The following CREB3L1 variants were observed in gnomAD, a reference collection of about 807,000 sequenced individuals.
The protein encoded by CREB3L1 is cAMP responsive element binding protein 3 like 1, also known as cyclic AMP-responsive element-binding protein 3-like protein 1.
Under a neutral mutation model 54.5 loss-of-function variants are expected in CREB3L1, and 33 were observed. That is an observed-to-expected ratio of 0.61 (90% CI 0.46 to 0.81). The LOEUF is 0.81. Ranked by LOEUF, CREB3L1 falls within the 30% of genes least tolerant of loss-of-function variation. The probability of loss-of-function intolerance (pLI) is 0.00; values close to 1 mark genes in which losing one functional copy is unlikely to be tolerated. For missense variants in CREB3L1, 656 were observed against 673.3 expected (o/e 0.97, Z 0.29); for synonymous variants, 284 against 286.4 (o/e 0.99, Z 0.08).
intron 2 of CREB3L1, among the ~76,000 whole-genome samples, chr11:46,300,429 A>C (rs556264334): frequency 6.6e-6 from 1 of 152,366 alleles, no homozygotes; most frequent in Non-Finnish European, 1.5e-5. Flanking sequence ...ATCACCTGGG[A>C]ATCTGTTAGA....
chr11:46,297,235 G>C (rs926484342), intron 1 of CREB3L1, among the ~76,000 whole-genome samples: 8 of 152,238 alleles, frequency 5.3e-5, no homozygotes, highest in African/African-American at 1.4e-4. Context: ...TGGGTGGTTG[G>C]GGGGTGGTTA....
intron 9 of CREB3L1, among the ~76,000 whole-genome samples, chr11:46,317,044 C>T (rs1939576870): frequency 6.6e-6 from 1 of 152,198 alleles, no homozygotes; most frequent in East Asian, 1.9e-4. Context: ...AGCCCCAAGC[C>T]CCACCTGCAC....
rs755855486 is a variant in CREB3L1 at position 46,320,940 on chromosome 11, T to A, written c.*194T>A. On this transcript the variant is annotated 3_prime_UTR_variant, in exon 12 of 12. Coordinates refer to ENST00000621158, the MANE Select transcript of CREB3L1 (RefSeq NM_052854.4). ...TGGGCCGACCACTCTGTTCTCATTC[T>A]CCTTCCCACCAACATCCATCCGTCC... 13 of 708,114 alleles carry A rather than the reference T, an allele frequency of 1.8e-5. No homozygotes were observed. Among genetic ancestry groups the A allele is most frequent in the Non-Finnish European group, 2.8e-5 (11 of 390,434 alleles). The allele number at this position is 708,114 out of a possible 1,614,324, so 43.9% of individuals were successfully genotyped here.
At chr11:46,289,743 G>C (rs888001294) in intron 1 of CREB3L1, among the ~76,000 whole-genome samples, 2 of 152,212 alleles carry the variant, frequency 1.3e-5, no homozygotes, top group Non-Finnish European at 2.9e-5. Flanking sequence ...GCCTGGAGAG[G>C]AGAGAAAATG....
chr11:46,302,350 C>G (rs897960142), intron 2 of CREB3L1, among the ~76,000 whole-genome samples: 15 of 152,058 alleles, frequency 9.9e-5, no homozygotes, highest in African/African-American at 3.6e-4. Flanking sequence ...TCCTCTCCCC[C>G]TAACTCCATC....
chr11:46,312,896 G>A lies in CREB3L1; in HGVS notation c.1008G>A (p.Val336=). 6.3e-7 allele frequency: 1 copy of A among 1,588,602 alleles called. No individual in the cohort carries two copies. The highest frequency in any genetic ancestry group is 8.6e-7 in the Non-Finnish European group (1 of 1,167,778). Residue 336 remains valine, a synonymous_variant, in exon 8 of 12, where the codon GTG becomes GTA. Coordinates refer to ENST00000621158, the MANE Select transcript of CREB3L1 (RefSeq NM_052854.4). ...AGAACAATGAACTGTGGAAGAAGGTGGAGACCCTGGAGAATGCCAACAGGT... is the reference window on the plus strand; with the variant it reads ...AGAACAATGAACTGTGGAAGAAGGTAGAGACCCTGGAGAATGCCAACAGGT... ...TSENNELWKK[V]ETLENANRTL...
rs1330047284 is a variant in CREB3L1, at chr11:46,300,060, C to A, written c.228C>A (p.Asp76Glu). 5 of 1,613,844 alleles carry A rather than the reference C, an allele frequency of 3.1e-6. No individual in the cohort carries two copies. In the Admixed American group the frequency reaches 5.0e-5, roughly 16 times the overall value. Reference protein sequence around the residue: ...EKSPLLDMELDSPTPGIQAEH... With the variant: ...EKSPLLDMELESPTPGIQAEH... ...GCCCTCTATTGGACATGGAACTGGA[C>A]TCCCCTACGCCAGGCATCCAGGCGG... Residue 76 changes from aspartate (D) to glutamate (E), a missense_variant, in exon 2 of 12, where the codon GAC becomes GAA. Physicochemically the swap from Asp to Glu is conservative, Grantham distance 45. Coordinates refer to ENST00000621158, the MANE Select transcript of CREB3L1 (RefSeq NM_052854.4).
chr11:46,296,605 C>G (rs1232940227), intron 1 of CREB3L1, among the ~76,000 whole-genome samples: 1 of 152,186 alleles, frequency 6.6e-6, no homozygotes, highest in Non-Finnish European at 1.5e-5. Context: ...GGCCGCAGAG[C>G]GCTCTAGGGG....
intron 2 of CREB3L1, among the ~76,000 whole-genome samples, chr11:46,306,503 CA>C (rs1174361696): frequency 7.3e-6 from 1 of 136,434 alleles, no homozygotes; most frequent in East Asian, 2.0e-4. Context: ...GATCCTGTCT[CA>C]ATAAAAAAAA....
Position 46,312,922 on chromosome 11 carries a change from G to A in CREB3L1, c.1031+3G>A, listed in dbSNP as rs753479233. On this transcript the variant is annotated splice_donor_region_variant and intron_variant, in intron 8 of 11. Transcript: ENST00000621158. ...GAGACCCTGGAGAATGCCAACAGGT[G>A]GGTAGTGCCTCCTGCATCCAACCTG... 6.3e-7 allele frequency: 1 copy of A among 1,578,126 alleles called. No individual in the cohort carries two copies. The highest frequency in any genetic ancestry group is 2.3e-5 in the East Asian group (1 of 42,886).
intron 1 of CREB3L1, among the ~76,000 whole-genome samples, chr11:46,286,805 AAAAGAAAAAAGAAAAAGAAAG>A (rs1057119588): frequency 6.6e-6 from 1 of 152,174 alleles, no homozygotes; most frequent in Non-Finnish European, 1.5e-5. Context: ...CAGACAAACA[AAAAGAAAAAAGAAAAAGAAAG>A]AAAGAAGAAA....
chr11:46,309,173 A>G (rs1051636241), intron 3 of CREB3L1, among the ~76,000 whole-genome samples: 4 of 152,126 alleles, frequency 2.6e-5, no homozygotes, highest in African/African-American at 9.7e-5. Context: ...AGACCAAGGA[A>G]TCTCCAAGGT....
At chr11:46,284,728 T>C (rs956785012) in intron 1 of CREB3L1, among the ~76,000 whole-genome samples, 1 of 151,834 alleles carries the variant, frequency 6.6e-6, no homozygotes, top group Non-Finnish European at 1.5e-5. Flanking sequence ...TAGGCATTAT[T>C]ATCCATTGTG....
At position 46,278,632 on chromosome 11, in the gene CREB3L1, G is replaced by A. The variant is rs1020813338; in HGVS notation, c.102+419G>A. The stretch of plus-strand genomic sequence containing the variant: ...GGATCTCCGCTGGGGGGCGCACCGG[G>A]GAACGTTCAGAGGGCCTGAGACCCG... On this transcript the variant is annotated intron_variant, in intron 1 of 11. Transcript: ENST00000621158. The surrounding 1 kb of genome is among the most constrained non-coding windows in gnomAD (Gnocchi z 4.2). Among the ~76,000 whole-genome samples, 10 of 152,206 alleles carry A rather than the reference G, an allele frequency of 6.6e-5. No individual in the cohort carries two copies. The highest frequency in any genetic ancestry group is 2.2e-4 in the African/African-American group (9 of 41,450).
At chr11:46,293,006 C>T (rs897467344) in intron 1 of CREB3L1, among the ~76,000 whole-genome samples, 2 of 152,156 alleles carry the variant, frequency 1.3e-5, no homozygotes, top group African/African-American at 4.8e-5. Context: ...CATTGTCACA[C>T]CATTGGTCAG....
At chr11:46,312,552 G>A in intron 6 of CREB3L1, 60 bp from the exon 7 acceptor site, 2 of 1,607,614 alleles carry the variant, frequency 1.2e-6, no homozygotes, top group South Asian at 1.1e-5. Context: ...CTGAAATTGG[G>A]GGGCCCAGGA....
intron 1 of CREB3L1, among the ~76,000 whole-genome samples, chr11:46,298,893 T>C (rs1939250859): frequency 6.6e-6 from 1 of 152,142 alleles, no homozygotes. Flanking sequence ...ACTTGTTTAA[T>C]CCTCATGACA....
chr11:46,293,560 C>T (rs886982672), intron 1 of CREB3L1, among the ~76,000 whole-genome samples: 3 of 152,250 alleles, frequency 2.0e-5, no homozygotes, highest in African/African-American at 4.8e-5. Flanking sequence ...CTTGAAGTAG[C>T]CCGCGGCTGG....
At chr11:46,287,702 G>T (rs1337927639) in intron 1 of CREB3L1, among the ~76,000 whole-genome samples, 2 of 152,106 alleles carry the variant, frequency 1.3e-5, no homozygotes, top group East Asian at 3.9e-4. Flanking sequence ...GATGGGACAG[G>T]TGCGGTGGTT....
Sources: gnomAD v4.1 joint callset for allele counts (sites outside exome capture counted in the v4.1 genomes callset) on GRCh38, gnomAD v4.1.1 for gene constraint, Gnocchi (gnomAD v3.1) non-coding constraint, MANE v1.5 for transcripts, NCBI Gene and HGNC (gene_info 2026-07-23, HGNC 2026-07-21) for gene names.